The following MEGF8 variants were observed in gnomAD, a reference collection of about 807,000 sequenced individuals.
The protein encoded by MEGF8 is multiple EGF like domains 8.
A neutral mutation model predicts 302.9 loss-of-function variants in MEGF8; 156 were observed. The ratio of observed to expected loss-of-function variants is 0.52; its 90% confidence interval spans 0.45 to 0.59. The LOEUF is 0.59. MEGF8 is among the 20% of genes least tolerant of loss of function. The pLI is 0.00. For synonymous variants in MEGF8, 1,621 were observed against 1,660.5 expected (o/e 0.98, Z 0.58); for missense variants, 3,345 against 3,964.5 (o/e 0.84, Z 4.20).
In MEGF8 at chr19:42,358,258, A is replaced by T; in HGVS notation, c.5126A>T (p.His1709Leu). ...CCATCCCCCGAGCTCTACTCCCTGC[A>T]CTGTCCTGACCGCACCTGGAGTCTG... ...AAPSPELYSL[H>L]CPDRTWSLLA... Residue 1709 changes from histidine to leucine, a missense_variant, in exon 29 of 42, where the codon CAC (histidine) becomes CTC (leucine). By Grantham distance (99) the His-to-Leu change is moderately conservative. Coordinates refer to ENST00000251268, the MANE Select transcript of MEGF8 (RefSeq NM_001271938.2). The surrounding 1 kb of genome is among the most constrained non-coding windows in gnomAD (Gnocchi z 4.4). 1 of 1,605,514 alleles carries T rather than the reference A, an allele frequency of 6.2e-7. No homozygotes were observed. The highest frequency in any genetic ancestry group is 8.5e-7 in the Non-Finnish European group (1 of 1,176,442).
At chr19:42,333,870 C>T in intron 2 of MEGF8, 102 bp downstream of exon 2, 1 of 1,542,460 alleles carries the variant, frequency 6.5e-7, no homozygotes, top group Non-Finnish European at 8.8e-7. Flanking sequence ...AGCACAGGGA[C>T]AAGGGAAGGT....
rs375722805 is a variant in MEGF8, at chr19:42,344,406, T to C, written c.1789-35T>C. 95 of 1,546,428 alleles carry C rather than the reference T, an allele frequency of 6.1e-5. 1 individual carries two copies. In the East Asian group the frequency reaches 1.6e-3, roughly 26 times the overall value. The stretch of plus-strand genomic sequence containing the variant: ...CCTTCCCAGATCTCTTGAGCTCCAG[T>C]TGACAGTGAGCCCTTTCCCCTCTCC... On this transcript the variant is annotated intron_variant, in intron 10 of 41. Transcript: ENST00000251268. This position sits in a 1 kb window ranked among gnomAD's most constrained non-coding sequence, Gnocchi z 4.5.
Position 42,358,971 on chromosome 19 carries a change from G to T in MEGF8, c.5343+17G>T. The stretch of plus-strand genomic sequence containing the variant: ...CTGAAGGAGGTGAGATTTGAAGAGG[G>T]TTAGGATTGGGTGGGCTGGTAGGGG... On this transcript the variant is annotated intron_variant, in intron 30 of 41. Transcript: ENST00000251268. The surrounding 1 kb of genome is among the most constrained non-coding windows in gnomAD (Gnocchi z 4.4). 1.2e-6 allele frequency: 2 copies of T among 1,604,544 alleles called. No individual in the cohort carries two copies. The highest frequency in any genetic ancestry group is 1.7e-6 in the Non-Finnish European group (2 of 1,175,706).
At chr19:42,332,373 GT>G (rs376436060) in intron 1 of MEGF8, among the ~76,000 whole-genome samples, 24 of 147,100 alleles carry the variant, frequency 1.6e-4, no homozygotes, top group African/African-American at 2.5e-4. Context: ...GCTTTTCTTT[GT>G]TTTTTTTTTT....
intron 35 of MEGF8, among the ~76,000 whole-genome samples, chr19:42,366,582 C>T (rs1279398445): frequency 2.0e-5 from 3 of 152,326 alleles, no homozygotes; most frequent in East Asian, 3.9e-4. Context: ...CCTCCTTCCT[C>T]TCATCCTCCC....
Position 42,344,192 on chromosome 19 carries a change from G to C in MEGF8, c.1788+119G>C. The C allele has an allele frequency of 1.4e-6, 2 of 1,394,052 alleles. No individual in the cohort carries two copies. Among genetic ancestry groups the C allele is most frequent in the South Asian group, 1.4e-5 (1 of 70,598 alleles). 86.4% of individuals were successfully genotyped at this position (1,394,052 alleles called of 1,614,324 possible). A position where few individuals can be genotyped will look rare whatever the true frequency, so the allele number is the denominator to read the frequency against. On this transcript the variant is annotated intron_variant, in intron 10 of 41. Coordinates refer to ENST00000251268, the MANE Select transcript of MEGF8 (RefSeq NM_001271938.2). The surrounding 1 kb of genome is among the most constrained non-coding windows in gnomAD (Gnocchi z 4.5). ...AACTGGGAGACTTGTTTTCATGCCG[G>C]AGATCCTCCTTCCTGATTCCTGACT...
intron 41 of MEGF8, among the ~76,000 whole-genome samples, chr19:42,374,967 G>A (rs1336789003): frequency 6.6e-6 from 1 of 152,172 alleles, no homozygotes; most frequent in Non-Finnish European, 1.5e-5. Context: ...GCAGGCAGAG[G>A]GTCCGCCAGT....
chr19:42,370,133 C>T, intron 38 of MEGF8, 56 bp from the exon 39 acceptor site: 1 of 1,544,668 alleles, frequency 6.5e-7, no homozygotes, highest in Non-Finnish European at 8.7e-7. Flanking sequence ...CCCCCAACGC[C>T]CTCCTACCCC....
rs771443838 is a variant in MEGF8, at chr19:42,376,156, G to A, written c.7919G>A (p.Arg2640Gln). ...GACTCGCAGGGCCTGCTCTTCTTCC[G>A]GCAGGACCAGGCCCACATTGACCTG... Reference protein sequence around the residue: ...SADSQGLLFFRQDQAHIDLFV... With the variant: ...SADSQGLLFFQQDQAHIDLFV... The change falls in exon 42 of 42, where the codon CGG becomes CAG. Residue 2640 changes from arginine (R) to glutamine (Q), a missense_variant. Coordinates refer to ENST00000251268, the MANE Select transcript of MEGF8 (RefSeq NM_001271938.2). This position sits in a 1 kb window ranked among gnomAD's most constrained non-coding sequence, Gnocchi z 8.2. The A allele has an allele frequency of 2.5e-6, 4 of 1,610,332 alleles. No homozygotes were observed. Among genetic ancestry groups the A allele is most frequent in the Non-Finnish European group, 3.4e-6 (4 of 1,179,620 alleles).
In MEGF8 at chr19:42,344,307, C is replaced by A; in HGVS notation, c.1789-134C>A. On this transcript the variant is annotated intron_variant, in intron 10 of 41. Coordinates refer to ENST00000251268, the MANE Select transcript of MEGF8 (RefSeq NM_001271938.2). The surrounding 1 kb of genome is among the most constrained non-coding windows in gnomAD (Gnocchi z 4.5). ...CGCATCCCCCGTCCTCTGGATCTCCCACATTCCAAGTCAACTCCCCGTTCT... is the reference window on the plus strand; with the variant it reads ...CGCATCCCCCGTCCTCTGGATCTCCAACATTCCAAGTCAACTCCCCGTTCT... 2 of 1,317,078 alleles carry A rather than the reference C, an allele frequency of 1.5e-6. No individual in the cohort carries two copies. Among genetic ancestry groups the A allele is most frequent in the Non-Finnish European group, 2.0e-6 (2 of 977,372 alleles). 81.6% of individuals were successfully genotyped at this position (1,317,078 alleles called of 1,614,324 possible). A position where few individuals can be genotyped will look rare whatever the true frequency, so the allele number is the denominator to read the frequency against.
Position 42,352,595 on chromosome 19 carries a change from A to C in MEGF8, c.3350+139A>C. The stretch of plus-strand genomic sequence containing the variant: ...TTAGCCAGGGGTTTTTACCTTGCAC[A>C]CTAGGTCCTTATTAGAGTGACAGGG... On this transcript the variant is annotated intron_variant, in intron 19 of 41. Transcript: ENST00000251268. This position sits in a 1 kb window ranked among gnomAD's most constrained non-coding sequence, Gnocchi z 4.4. 8.9e-7 allele frequency: 1 copy of C among 1,124,146 alleles called. No individual in the cohort carries two copies. Among genetic ancestry groups the C allele is most frequent in the Non-Finnish European group, 1.2e-6 (1 of 807,788 alleles). 69.6% of individuals were successfully genotyped at this position (1,124,146 alleles called of 1,614,324 possible). A position where few individuals can be genotyped will look rare whatever the true frequency, so the allele number is the denominator to read the frequency against.
chr19:42,326,224 G>C lies in MEGF8; in HGVS notation c.-20G>C. The C allele has an allele frequency of 1.0e-5, 15 of 1,492,484 alleles. No homozygotes were observed. The highest frequency in any genetic ancestry group is 1.5e-5 in the African/African-American group (1 of 67,716). The allele number at this position is 1,492,484 out of a possible 1,614,324, so 92.5% of individuals were successfully genotyped here. ...TTTTACGGCCTGTCCCCGCTCTAAG[G>C]GTCAGTGCAGGAGGCGGCGATGGCC... On this transcript the variant is annotated 5_prime_UTR_variant, in exon 1 of 42. Transcript: ENST00000251268.
In MEGF8 at chr19:42,351,075, G is replaced by A. The variant is rs2039362725; in HGVS notation, c.2737-141G>A. The A allele has an allele frequency of 2.7e-6, 2 of 745,932 alleles. No homozygotes were observed. The highest frequency in any genetic ancestry group is 4.4e-6 in the Non-Finnish European group (2 of 453,996). 46.2% of individuals were successfully genotyped at this position (745,932 alleles called of 1,614,324 possible). On this transcript the variant is annotated intron_variant, in intron 15 of 41. Coordinates refer to ENST00000251268, the MANE Select transcript of MEGF8 (RefSeq NM_001271938.2). The surrounding 1 kb of genome is among the most constrained non-coding windows in gnomAD (Gnocchi z 5.6). ...TGGGTGTCTGTGGTCGAAGGGAGGG[G>A]TCCAGAGACGCAGGCAGCTGGGGAG...
In MEGF8 at chr19:42,376,781, C is replaced by T; in HGVS notation, c.*6C>T. The T allele has an allele frequency of 7.0e-7, 1 of 1,436,412 alleles. No individual in the cohort carries two copies. The highest frequency in any genetic ancestry group is 9.1e-7 in the Non-Finnish European group (1 of 1,097,942). The allele number at this position is 1,436,412 out of a possible 1,614,324, so 89.0% of individuals were successfully genotyped here. The stretch of plus-strand genomic sequence containing the variant: ...TCACCAGCATGTCCCTCTGACATGC[C>T]CAGGGTTCTCATCCACAGCAGCTGG... On this transcript the variant is annotated 3_prime_UTR_variant, in exon 42 of 42. Transcript: ENST00000251268. The surrounding 1 kb of genome is among the most constrained non-coding windows in gnomAD (Gnocchi z 8.2).
chr19:42,354,475 G>A lies in MEGF8; in HGVS notation c.4012-113G>A. 1.6e-6 allele frequency: 2 copies of A among 1,235,022 alleles called. No individual in the cohort carries two copies. Among genetic ancestry groups the A allele is most frequent in the Non-Finnish European group, 2.3e-6 (2 of 878,892 alleles). 76.5% of individuals were successfully genotyped at this position (1,235,022 alleles called of 1,614,324 possible). On this transcript the variant is annotated intron_variant, in intron 22 of 41. Coordinates refer to ENST00000251268, the MANE Select transcript of MEGF8 (RefSeq NM_001271938.2). The surrounding 1 kb of genome is among the most constrained non-coding windows in gnomAD (Gnocchi z 4.3). ...ACAGTCTCCCCTGGATGTTCAAACA[G>A]CCCATTTCCCAGTCTCAGATTGCCC...
Position 42,356,149 on chromosome 19 carries a change from G to A in MEGF8, c.4459G>A (p.Gly1487Arg), listed in dbSNP as rs764112268. The A allele has an allele frequency of 2.0e-5, 32 of 1,570,014 alleles. No individual in the cohort carries two copies. The highest frequency in any genetic ancestry group is 2.4e-5 in the Non-Finnish European group (28 of 1,156,800). The change falls in exon 25 of 42, where the codon GGG (glycine) becomes AGG (arginine). Residue 1487 changes from glycine (G) to arginine (R), a missense_variant. Transcript: ENST00000251268. This position sits in a 1 kb window ranked among gnomAD's most constrained non-coding sequence, Gnocchi z 5.2. ...CGACTGCGCCACCAAGCTGGATGGC[G>A]GGCAGCTGGTCTGGGAGACCCTCAT... ...GPDCATKLDG[G>R]QLVWETLMDS... is the part of the protein sequence containing the mutation.
chr19:42,350,407 A>T (rs1206844724), intron 15 of MEGF8, 23 bp downstream of exon 15: 1 of 1,477,062 alleles, frequency 6.8e-7, no homozygotes, highest in Admixed American at 2.3e-5. Context: ...CCACCAGGGG[A>T]GGTCACAAGG....
chr19:42,331,249 G>A (rs1447908917), intron 1 of MEGF8, among the ~76,000 whole-genome samples: 1 of 152,192 alleles, frequency 6.6e-6, no homozygotes, highest in Non-Finnish European at 1.5e-5. Context: ...AGAGCCCATG[G>A]AACTGGCCCA....
chr19:42,368,573 T>A lies in MEGF8; in HGVS notation c.6392T>A (p.Leu2131Gln). 6.3e-7 allele frequency: 1 copy of A among 1,587,736 alleles called. No individual in the cohort carries two copies. The highest frequency in any genetic ancestry group is 8.6e-7 in the Non-Finnish European group (1 of 1,167,572). ...CAGGCAACTCAGTGCGCCTTGTGCC[T>A]GCGGCGCCCCCATTGCGGCTGGTGT... ...CAQATQCALC[L>Q]RRPHCGWCAW... is the part of the protein sequence containing the mutation. Residue 2131 changes from leucine to glutamine, a missense_variant, in exon 36 of 42, where the codon CTG becomes CAG. By Grantham distance (113) the Leu-to-Gln change is moderately radical. Coordinates refer to ENST00000251268, the MANE Select transcript of MEGF8 (RefSeq NM_001271938.2). The surrounding 1 kb of genome is among the most constrained non-coding windows in gnomAD (Gnocchi z 4.9).
Sources: gnomAD v4.1 joint callset for allele counts (sites outside exome capture counted in the v4.1 genomes callset) on GRCh38, gnomAD v4.1.1 for gene constraint, Gnocchi (gnomAD v3.1) non-coding constraint, MANE v1.5 for transcripts, NCBI Gene and HGNC (gene_info 2026-07-23, HGNC 2026-07-21) for gene names.